The following CSMD3 variants were observed in gnomAD, a reference collection of about 807,000 sequenced individuals.
The protein encoded by CSMD3 is CUB and Sushi multiple domains 3.
A neutral mutation model predicts 435.2 loss-of-function variants in CSMD3; 177 were observed. The observed-to-expected ratio is 0.41, with a 90% CI of 0.36 to 0.46. The LOEUF (loss-of-function observed/expected upper bound fraction) is 0.46, where lower values mean the gene tolerates loss of function less well. Ranked by LOEUF, CSMD3 falls within the 20% of genes least tolerant of loss-of-function variation. The pLI, the probability that CSMD3 is intolerant of heterozygous loss-of-function variation, is 0.34. For synonymous variants in CSMD3, 1,656 were observed against 1,520.5 expected (o/e 1.09, Z -2.07); for missense variants, 4,265 against 4,504.6 (o/e 0.95, Z 1.52).
intron 11 of CSMD3, among the ~76,000 whole-genome samples, chr8:112,830,835 A>G (rs1474210537): frequency 6.8e-6 from 1 of 146,316 alleles, no homozygotes; most frequent in Non-Finnish European, 1.5e-5. Flanking sequence ...CACTCAGGCT[A>G]GAGTGCACTG....
intron 9 of CSMD3, among the ~76,000 whole-genome samples, chr8:112,929,202 AG>A (rs2083015931): frequency 8.1e-6 from 1 of 122,934 alleles, no homozygotes; most frequent in Non-Finnish European, 1.6e-5. Flanking sequence ...TTGTCAGATG[AG>A]TAGGTTGCGA....
At chr8:113,046,008 A>G (rs1418912821) in intron 5 of CSMD3, among the ~76,000 whole-genome samples, 1 of 149,644 alleles carries the variant, frequency 6.7e-6, no homozygotes, top group Non-Finnish European at 1.5e-5. Flanking sequence ...GAATCGATTT[A>G]CTTTTAAATG....
intron 19 of CSMD3, among the ~76,000 whole-genome samples, chr8:112,645,790 G>T (rs1481635598): frequency 1.3e-5 from 2 of 152,088 alleles, no homozygotes; most frequent in Non-Finnish European, 2.9e-5. Context: ...ATTAATATTT[G>T]ATTTGATATT....
At chr8:113,338,542 CAATAA>C (rs1429238547) in intron 1 of CSMD3, among the ~76,000 whole-genome samples, 1 of 151,750 alleles carries the variant, frequency 6.6e-6, no homozygotes, top group Non-Finnish European at 1.5e-5. Context: ...TACTATTTAA[CAATAA>C]AATAAAATAA....
intron 59 of CSMD3, among the ~76,000 whole-genome samples, chr8:112,279,505 C>A (rs1818423825): frequency 6.6e-6 from 1 of 152,118 alleles, no homozygotes; most frequent in Non-Finnish European, 1.5e-5. Flanking sequence ...TTACAATCAG[C>A]TTGGTAAAAT....
intron 1 of CSMD3, among the ~76,000 whole-genome samples, chr8:113,428,227 TC>T: frequency 6.6e-6 from 1 of 150,778 alleles, no homozygotes; most frequent in South Asian, 2.1e-4. Context: ...TATCTATCTA[TC>T]TATCTATCTA....
intron 5 of CSMD3, 114 bp downstream of exon 5, chr8:113,098,642 T>C (rs1191087045): frequency 1.5e-5 from 11 of 738,650 alleles, no homozygotes; most frequent in African/African-American, 8.8e-5. Flanking sequence ...CACATAACTT[T>C]CCTGTAAGAT....
At chr8:112,327,643 A>AATCATGTT (rs1345541977) in intron 45 of CSMD3, among the ~76,000 whole-genome samples, 3 of 152,126 alleles carry the variant, frequency 2.0e-5, no homozygotes, top group Non-Finnish European at 4.4e-5. Context: ...TTTTTAGAAG[A>AATCATGTT]ATCATGTTAT....
intron 33 of CSMD3, 29 bp downstream of exon 33, chr8:112,408,890 T>C: frequency 1.2e-6 from 2 of 1,613,246 alleles, no homozygotes; most frequent in South Asian, 1.1e-5. Flanking sequence ...AATCAGTAAC[T>C]GATGCATGGC....
intron 32 of CSMD3, among the ~76,000 whole-genome samples, chr8:112,456,406 C>T (rs956964689): frequency 2.0e-5 from 3 of 151,790 alleles, no homozygotes; most frequent in Non-Finnish European, 4.4e-5. Context: ...TAATTAACTG[C>T]AATAAGCACT....
At chr8:112,503,490 C>CT (rs912384006) in intron 30 of CSMD3, among the ~76,000 whole-genome samples, 2 of 152,080 alleles carry the variant, frequency 1.3e-5, no homozygotes, top group Non-Finnish European at 2.9e-5. Context: ...CAAAATGAGG[C>CT]TTTTTTTGTA....
chr8:113,182,496 T>C (rs902644456), intron 3 of CSMD3, among the ~76,000 whole-genome samples: 2 of 150,736 alleles, frequency 1.3e-5, no homozygotes, highest in Admixed American at 1.3e-4. Flanking sequence ...TTAGGGTCAA[T>C]GCTAAGCTGC....
chr8:113,275,793 G>T (rs1018128213), intron 3 of CSMD3, among the ~76,000 whole-genome samples: 5 of 151,724 alleles, frequency 3.3e-5, no homozygotes. Context: ...AGAAGCCTGG[G>T]GTTTAGGACA....
intron 32 of CSMD3, among the ~76,000 whole-genome samples, chr8:112,458,106 A>C (rs934637852): frequency 1.3e-5 from 2 of 152,004 alleles, no homozygotes; most frequent in Admixed American, 1.3e-4. Context: ...TAATAAAAAA[A>C]TACAACCTTT....
At chr8:113,135,920 C>A (rs1183310679) in intron 4 of CSMD3, among the ~76,000 whole-genome samples, 5 of 151,774 alleles carry the variant, frequency 3.3e-5, no homozygotes, top group African/African-American at 1.2e-4. Flanking sequence ...TAACTAAAAT[C>A]TCCGAGTTTC....
At chr8:112,333,694 A>ACACACC (rs769965974) in intron 45 of CSMD3, among the ~76,000 whole-genome samples, 1 of 149,620 alleles carries the variant, frequency 6.7e-6, no homozygotes, top group African/African-American at 2.4e-5. Flanking sequence ...ACACACACAC[A>ACACACC]ACACTGACAT....
At chr8:112,375,960 G>A (rs1321328836) in intron 38 of CSMD3, among the ~76,000 whole-genome samples, 1 of 152,026 alleles carries the variant, frequency 6.6e-6, no homozygotes, top group Non-Finnish European at 1.5e-5. Flanking sequence ...GACTGAAATA[G>A]TTTGAATTTT....
At chr8:112,902,173 T>C (rs2130447253) in intron 10 of CSMD3, among the ~76,000 whole-genome samples, 1 of 151,346 alleles carries the variant, frequency 6.6e-6, no homozygotes, top group South Asian at 2.1e-4. Flanking sequence ...ACAGCCTTTA[T>C]CTAGGTGTCC....
intron 32 of CSMD3, among the ~76,000 whole-genome samples, chr8:112,445,591 A>G (rs1384144114): frequency 6.6e-6 from 1 of 152,174 alleles, no homozygotes; most frequent in Non-Finnish European, 1.5e-5. Context: ...GATGGCACTA[A>G]GCCATTTATA....
Sources: gnomAD v4.1 joint callset for allele counts (sites outside exome capture counted in the v4.1 genomes callset) on GRCh38, gnomAD v4.1.1 for gene constraint, MANE v1.5 for transcripts, NCBI Gene and HGNC (gene_info 2026-07-23, HGNC 2026-07-21) for gene names.